Variants in CD274 observed in about 807,000 individuals in gnomAD.
The protein encoded by CD274 is CD274 molecule, also known as programmed cell death 1 ligand 1.
In CD274, 8 loss-of-function variants were observed where a neutral mutation model predicts 30.1. The ratio of observed to expected loss-of-function variants is 0.27; its 90% confidence interval spans 0.16 to 0.48. The LOEUF (loss-of-function observed/expected upper bound fraction) is 0.48. Among genes scored for constraint, CD274 ranks in the 20% least tolerant of loss-of-function variants. The pLI is 0.99. For synonymous variants in CD274, 152 were observed against 124.6 expected (o/e 1.22, Z -1.46); for missense variants, 353 against 346.6 (o/e 1.02, Z -0.15).
rs374009618 is a variant in CD274 at position 5,456,082 on chromosome 9, C to T, written c.-14-18C>T. Reference sequence around the variant, plus strand: ...TTATTAAGTGAAGCAGTCTTCTTTTCGTGTTTTCCATAATTAGGGCATTCC... The same window carrying T: ...TTATTAAGTGAAGCAGTCTTCTTTTTGTGTTTTCCATAATTAGGGCATTCC... On this transcript the variant is annotated intron_variant, in intron 1 of 6. Coordinates refer to ENST00000381577, the MANE Select transcript of CD274 (RefSeq NM_014143.4). The T allele has an allele frequency of 2.2e-5, 31 of 1,435,202 alleles. 1 individual carries two copies. The highest frequency in any genetic ancestry group is 5.1e-5 in the Admixed American group (3 of 59,120). 88.9% of individuals were successfully genotyped at this position (1,435,202 alleles called of 1,614,324 possible). A position where few individuals can be genotyped will look rare whatever the true frequency, so the allele number is the denominator to read the frequency against.
Position 5,470,225 on chromosome 9 carries a change from G to C in CD274, c.*2363G>C. 8.6e-6 allele frequency: 2 copies of C among 232,732 alleles called. No homozygotes were observed. Among genetic ancestry groups the C allele is most frequent in the Non-Finnish European group, 1.7e-5 (2 of 117,696 alleles). 14.4% of individuals were successfully genotyped at this position (232,732 alleles called of 1,614,324 possible). A position where few individuals can be genotyped will look rare whatever the true frequency, so the allele number is the denominator to read the frequency against. On this transcript the variant is annotated 3_prime_UTR_variant, in exon 7 of 7. Coordinates refer to ENST00000381577, the MANE Select transcript of CD274 (RefSeq NM_014143.4). ...CCTTGTGTTATCTGTTTGTACATGT[G>C]CATTTGTACAGTAATTGGTGTGACA...
intron 1 of CD274, among the ~76,000 whole-genome samples, chr9:5,454,554 G>C (rs543512822): frequency 9.9e-5 from 15 of 152,016 alleles, no homozygotes; most frequent in African/African-American, 2.9e-4. Flanking sequence ...ACCAAAATTT[G>C]TTTAACCACT....
rs556331463 is a variant in CD274 at position 5,454,250 on chromosome 9, A to G, written c.-14-1850A>G. On this transcript the variant is annotated intron_variant, in intron 1 of 6. Coordinates refer to ENST00000381577, the MANE Select transcript of CD274 (RefSeq NM_014143.4). ...TTGGAAATTTGGACACAGAACACCA[A>G]AAAAAATCCATAATCTCATCTCTCT... 2.6e-5 allele frequency among the ~76,000 whole-genome samples: 4 copies of G among 152,254 alleles called. No individual in the cohort carries two copies. The East Asian group carries it at 7.7e-4, about 29-fold the overall frequency.
At chr9:5,466,265 C>T (rs1265227670) in intron 5 of CD274, among the ~76,000 whole-genome samples, 1 of 152,092 alleles carries the variant, frequency 6.6e-6, no homozygotes, top group Non-Finnish European at 1.5e-5. Context: ...AAAAATTCCC[C>T]ATAACCCCTT....
intron 1 of CD274, among the ~76,000 whole-genome samples, chr9:5,455,195 A>G (rs936471169): frequency 1.3e-5 from 2 of 152,188 alleles, no homozygotes; most frequent in African/African-American, 4.8e-5. Flanking sequence ...GGGAGAAAAT[A>G]TTAATAAATG....
intron 3 of CD274, among the ~76,000 whole-genome samples, chr9:5,459,480 CA>C (rs1343141880): frequency 6.6e-6 from 1 of 152,170 alleles, no homozygotes; most frequent in East Asian, 1.9e-4. Context: ...CCTCCATATG[CA>C]AATGATTTCA....
At position 5,462,893 on chromosome 9, in the gene CD274, G is replaced by A. The variant is rs367921713; in HGVS notation, c.454G>A (p.Glu152Lys). The change falls in exon 4 of 7, where the codon GAA (glutamate) becomes AAA (lysine). Residue 152 changes from glutamate (E) to lysine (K), a missense_variant. Coordinates refer to ENST00000381577, the MANE Select transcript of CD274 (RefSeq NM_014143.4). Reference sequence around the variant, plus strand: ...TGTGGATCCAGTCACCTCTGAACATGAACTGACATGTCAGGCTGAGGGCTA... The same window carrying A: ...TGTGGATCCAGTCACCTCTGAACATAAACTGACATGTCAGGCTGAGGGCTA... The part of the protein sequence containing the change: ...LVVDPVTSEH[E>K]LTCQAEGYPK... 1.9e-6 allele frequency: 3 copies of A among 1,613,990 alleles called. No homozygotes were observed. The highest frequency in any genetic ancestry group is 1.1e-5 in the South Asian group (1 of 91,058).
chr9:5,465,257 A>T (rs1819477476), intron 4 of CD274, among the ~76,000 whole-genome samples: 1 of 152,154 alleles, frequency 6.6e-6, no homozygotes, highest in Admixed American at 6.5e-5. Flanking sequence ...AAGACCTCAA[A>T]ACTGGTTAAG....
In CD274 at chr9:5,469,465, A is replaced by C. The variant is rs1819550810; in HGVS notation, c.*1603A>C. Reference sequence around the variant, plus strand: ...TCTTCTAAAGATAGTCTACATTTGGAAATGTATGTTAAAAGCACGTATTTT... The same window carrying C: ...TCTTCTAAAGATAGTCTACATTTGGCAATGTATGTTAAAAGCACGTATTTT... On this transcript the variant is annotated 3_prime_UTR_variant, in exon 7 of 7. Coordinates refer to ENST00000381577, the MANE Select transcript of CD274 (RefSeq NM_014143.4). The C allele has an allele frequency of 4.3e-6, 1 of 231,426 alleles. No homozygotes were observed. The highest frequency in any genetic ancestry group is 2.2e-5 in the African/African-American group (1 of 45,368). 14.3% of individuals were successfully genotyped at this position (231,426 alleles called of 1,614,324 possible).
intron 4 of CD274, among the ~76,000 whole-genome samples, chr9:5,464,561 C>A (rs1278999479): frequency 6.6e-6 from 1 of 152,006 alleles, no homozygotes; most frequent in African/African-American, 2.4e-5. Context: ...TACCATGGGA[C>A]CCCCTTTCCT....
intron 3 of CD274, among the ~76,000 whole-genome samples, chr9:5,461,148 GT>G (rs915493293): frequency 1.1e-4 from 16 of 152,090 alleles, no homozygotes; most frequent in Non-Finnish European, 1.6e-4. Context: ...TGAGGTTTGT[GT>G]TTTTTTATAT....
intron 2 of CD274, 73 bp downstream of exon 2, chr9:5,456,238 C>T (rs1160128954): frequency 5.3e-6 from 5 of 942,412 alleles, no homozygotes; most frequent in Non-Finnish European, 8.4e-6. Flanking sequence ...CTAAAATGAT[C>T]ATTTAAAATG....
chr9:5,453,000 AATATTTTATAAGTAATATTT>A (rs1819234453), intron 1 of CD274, among the ~76,000 whole-genome samples: 2 of 151,706 alleles, frequency 1.3e-5, no homozygotes, highest in African/African-American at 4.8e-5. Flanking sequence ...ACAGTTATAA[AATATTTTATAAGTAATATTT>A]ATATTTTATA....
At chr9:5,461,695 G>A (rs1261699154) in intron 3 of CD274, among the ~76,000 whole-genome samples, 19 of 152,048 alleles carry the variant, frequency 1.2e-4, no homozygotes, top group Non-Finnish European at 7.4e-5. Context: ...TACTTGTAAT[G>A]AATAAACATG....
At chr9:5,454,595 T>G (rs1819266578) in intron 1 of CD274, among the ~76,000 whole-genome samples, 1 of 152,082 alleles carries the variant, frequency 6.6e-6, no homozygotes, top group African/African-American at 2.4e-5. Flanking sequence ...CAGTTTGCTG[T>G]TATGAGCAAT....
Position 5,458,804 on chromosome 9 carries a change from T to C in CD274, c.394+1384T>C, listed in dbSNP as rs374427174. 3.9e-4 allele frequency among the ~76,000 whole-genome samples: 60 copies of C among 152,290 alleles called. No homozygotes were observed. The South Asian group carries it at 0.011, about 29-fold the overall frequency. On this transcript the variant is annotated intron_variant, in intron 3 of 6. Coordinates refer to ENST00000381577, the MANE Select transcript of CD274 (RefSeq NM_014143.4). ...ATGCTTCTCCATTCATGACATCTCT[T>C]GAGATGTTGTGGTTTATACTTTCAG...
Position 5,457,364 on chromosome 9 carries a change from G to A in CD274, c.338G>A (p.Arg113His), listed in dbSNP as rs1272843564. ...AAATTGCAGGATGCAGGGGTGTACC[G>A]CTGCATGATCAGCTATGGTGGTGCC... Reference protein sequence around the residue: ...DVKLQDAGVYRCMISYGGADY... With the variant: ...DVKLQDAGVYHCMISYGGADY... Residue 113 changes from arginine to histidine, a missense_variant, in exon 3 of 7, where the codon CGC becomes CAC. Physicochemically the swap from Arg to His is conservative, Grantham distance 29. Coordinates refer to ENST00000381577, the MANE Select transcript of CD274 (RefSeq NM_014143.4). 8.1e-6 allele frequency: 13 copies of A among 1,613,894 alleles called. No individual in the cohort carries two copies. Among genetic ancestry groups the A allele is most frequent in the East Asian group, 4.5e-5 (2 of 44,902 alleles).
At chr9:5,465,810 T>G in intron 5 of CD274, 5 of 425,874 alleles carry the variant, frequency 1.2e-5, no homozygotes, top group Non-Finnish European at 4.2e-6. Context: ...TGGGTATGGA[T>G]GGAGGTAGAA....
At position 5,468,886 on chromosome 9, in the gene CD274, G is replaced by A. The variant is rs879588589; in HGVS notation, c.*1024G>A. 4.3e-6 allele frequency: 1 copy of A among 232,964 alleles called. No individual in the cohort carries two copies. The highest frequency in any genetic ancestry group is 8.5e-6 in the Non-Finnish European group (1 of 117,948). 14.4% of individuals were successfully genotyped at this position (232,964 alleles called of 1,614,324 possible). On this transcript the variant is annotated 3_prime_UTR_variant, in exon 7 of 7. Transcript: ENST00000381577. ...CAAAAACCATTTATTAAGTGCCCTT[G>A]CAATATCAATCGCTGTGCCAGGCAT...
Sources: gnomAD v4.1 joint callset for allele counts (sites outside exome capture counted in the v4.1 genomes callset) on GRCh38, gnomAD v4.1.1 for gene constraint, MANE v1.5 for transcripts, NCBI Gene and HGNC (gene_info 2026-07-23, HGNC 2026-07-21) for gene names.